The following CHRDL1 variants were observed in gnomAD, a reference collection of about 807,000 sequenced individuals.
CHRDL1 encodes chordin-like protein 1.
CHRDL1 carries 19 observed loss-of-function variants against 40.9 expected under a neutral mutation model. The ratio of observed to expected loss-of-function variants is 0.46; its 90% CI spans 0.32 to 0.68. The LOEUF is 0.68. Among genes scored for constraint, CHRDL1 ranks in the 30% least tolerant of loss-of-function variants. The pLI, the probability that CHRDL1 is intolerant of heterozygous loss-of-function variation, is 0.03. For synonymous variants in CHRDL1, 136 were observed against 123.4 expected (o/e 1.10, Z -0.68); for missense variants, 329 against 352.1 (o/e 0.93, Z 0.53).
chrX:110,722,365 T>A (rs773193269), intron 4 of CHRDL1, among the ~76,000 whole-genome samples: 1 of 110,117 alleles, frequency 9.1e-6, no homozygotes, highest in African/African-American at 3.3e-5. Flanking sequence ...TGCTTTTTTT[T>A]AATCCCTCCA....
chrX:110,792,305 TA>T (rs1015291272), intron 1 of CHRDL1, 90 bp from the exon 2 acceptor site: 4,078 of 347,017 alleles, frequency 0.012, 1 homozygote, highest in Non-Finnish European at 0.013. Flanking sequence ...CCTGCTAGAA[TA>T]AAAAAAAAAT....
At chrX:110,731,774 G>A (rs1009755105) in intron 4 of CHRDL1, among the ~76,000 whole-genome samples, 1 of 111,465 alleles carries the variant, frequency 9.0e-6, no homozygotes, top group Non-Finnish European at 1.9e-5. Flanking sequence ...TCCATAGAGA[G>A]AGAAAGAAGA....
chrX:110,737,998 A>C (rs752298073), intron 4 of CHRDL1, among the ~76,000 whole-genome samples: 1 of 112,178 alleles, frequency 8.9e-6, no homozygotes, highest in Admixed American at 9.4e-5. Context: ...AACATCCCAC[A>C]ATGCACAGGA....
chrX:110,689,709 ATATATATATC>A lies in CHRDL1; in HGVS notation c.779-916_779-907del, dbSNP rs1431780146. Among the ~76,000 whole-genome samples, 9 of 30,303 alleles carry A rather than the reference ATATATATATC, an allele frequency of 3.0e-4. 1 individual carries two copies. The highest frequency in any genetic ancestry group is 4.1e-4 in the Admixed American group (1 of 2,454). 26.3% of individuals were successfully genotyped at this position (30,303 alleles called of 115,157 possible). A position where few individuals can be genotyped will look rare whatever the true frequency, so the allele number is the denominator to read the frequency against. On this transcript the variant is annotated intron_variant, in intron 8 of 11. Transcript: ENST00000372042. ...TATATATCTATATATCTATATATCT[ATATATATATC>A]TATATATATCTATATATCTATATAT...
intron 2 of CHRDL1, among the ~76,000 whole-genome samples, chrX:110,773,388 A>G (rs1487928436): frequency 8.9e-6 from 1 of 111,927 alleles, no homozygotes; most frequent in African/African-American, 3.2e-5. Flanking sequence ...GGAATTGTAC[A>G]GCTTTCTGTT....
intron 5 of CHRDL1, among the ~76,000 whole-genome samples, chrX:110,720,905 G>A (rs1344415113): frequency 1.8e-5 from 2 of 111,883 alleles, no homozygotes; most frequent in Non-Finnish European, 3.8e-5. Context: ...AGCATTTATA[G>A]AGAGTTTTCT....
intron 2 of CHRDL1, among the ~76,000 whole-genome samples, chrX:110,770,972 C>A (rs184015085): frequency 0.021 from 2,312 of 110,224 alleles, 67 homozygotes; most frequent in African/African-American, 0.072. Flanking sequence ...CATGGTAAAA[C>A]CCTGTCTCTA....
chrX:110,716,553 G>C (rs1443984663), intron 6 of CHRDL1, among the ~76,000 whole-genome samples: 1 of 111,085 alleles, frequency 9.0e-6, no homozygotes, highest in South Asian at 3.9e-4. Context: ...GTAGAGACAG[G>C]TTTACTTCTA....
chrX:110,721,624 G>A (rs976158501), intron 4 of CHRDL1, 94 bp from the exon 5 acceptor site: 39 of 752,748 alleles, frequency 5.2e-5, no homozygotes, highest in Non-Finnish European at 7.5e-5. Flanking sequence ...ACTACATAGA[G>A]GGAGTTTTAA....
intron 4 of CHRDL1, among the ~76,000 whole-genome samples, chrX:110,732,685 A>G (rs1012353479): frequency 9.1e-5 from 10 of 110,196 alleles, no homozygotes; most frequent in Non-Finnish European, 1.9e-4. Context: ...ACAGATGGCT[A>G]GGAAGGATGG....
intron 6 of CHRDL1, among the ~76,000 whole-genome samples, chrX:110,710,178 T>C (rs1359072591): frequency 8.9e-6 from 1 of 112,093 alleles, no homozygotes; most frequent in Non-Finnish European, 1.9e-5. Flanking sequence ...ATGTATCTTT[T>C]ACCTCTGTTT....
rs2069772302 is a variant in CHRDL1 at position 110,676,147 on chromosome X, C to T, written c.*84G>A. Reference sequence around the variant, plus strand: ...CATTTGAGTTTGGAGTTTTAGGGCACTGTTGACTTAAGCAAAATAAGCCTG... The same window carrying T: ...CATTTGAGTTTGGAGTTTTAGGGCATTGTTGACTTAAGCAAAATAAGCCTG... On this transcript the variant is annotated 3_prime_UTR_variant, in exon 12 of 12. Transcript: ENST00000372042. 3 of 1,003,622 alleles carry T rather than the reference C, an allele frequency of 3.0e-6. No homozygotes were observed. The Admixed American group carries it at 8.0e-5, about 27-fold the overall frequency. 82.7% of individuals were successfully genotyped at this position (1,003,622 alleles called of 1,213,427 possible).
chrX:110,776,514 A>G (rs184326340), intron 2 of CHRDL1, among the ~76,000 whole-genome samples: 1 of 111,602 alleles, frequency 9.0e-6, no homozygotes, highest in Non-Finnish European at 1.9e-5. Flanking sequence ...AGAATTCCAG[A>G]TTGGTAGCCT....
chrX:110,789,656 A>C (rs1258841030), intron 2 of CHRDL1, among the ~76,000 whole-genome samples: 1 of 112,008 alleles, frequency 8.9e-6, no homozygotes, highest in African/African-American at 3.2e-5. Context: ...ATCACAGAAA[A>C]GTGTATATAA....
chrX:110,674,073 A>C lies in CHRDL1; in HGVS notation c.*2158T>G, dbSNP rs1456209364. 1 of 111,547 alleles carries C rather than the reference A, an allele frequency of 9.0e-6. No individual in the cohort carries two copies. Among genetic ancestry groups the C allele is most frequent in the Non-Finnish European group, 1.9e-5 (1 of 53,076 alleles). 9.2% of individuals were successfully genotyped at this position (111,547 alleles called of 1,213,427 possible). On this transcript the variant is annotated 3_prime_UTR_variant, in exon 12 of 12. Coordinates refer to ENST00000372042, the MANE Select transcript of CHRDL1 (RefSeq NM_001143981.2). ...GTTCCAAGTGTTTATGATACAAATA[A>C]ATACACAAGAAGAACCACATCCATT...
intron 7 of CHRDL1, among the ~76,000 whole-genome samples, chrX:110,698,221 TCTC>T (rs2070440850): frequency 9.0e-6 from 1 of 111,185 alleles, no homozygotes; most frequent in Admixed American, 9.6e-5. Flanking sequence ...CAGAAGGGAT[TCTC>T]CTATTTTCTC....
chrX:110,722,600 G>C (rs919325509), intron 4 of CHRDL1, among the ~76,000 whole-genome samples: 1 of 112,382 alleles, frequency 8.9e-6, no homozygotes, highest in Non-Finnish European at 1.9e-5. Flanking sequence ...TTTACAAAGA[G>C]ATTTCACATA....
intron 6 of CHRDL1, among the ~76,000 whole-genome samples, chrX:110,709,448 C>A (rs181054947): frequency 2.3e-4 from 26 of 112,325 alleles, no homozygotes; most frequent in Admixed American, 8.5e-4. Context: ...GAAAAGGAAT[C>A]ATTTCATCTC....
intron 2 of CHRDL1, among the ~76,000 whole-genome samples, chrX:110,784,802 G>A (rs1015203833): frequency 8.9e-6 from 1 of 111,823 alleles, no homozygotes; most frequent in East Asian, 2.8e-4. Flanking sequence ...ACACCATTAA[G>A]ATGAGAACTG....
Sources: allele counts gnomAD v4.1 joint callset (sites outside exome capture counted in the v4.1 genomes callset), GRCh38; gene constraint gnomAD v4.1.1; transcripts MANE v1.5; gene names NCBI Gene and HGNC (gene_info 2026-07-23, HGNC 2026-07-21).